The following PHLPP1 variants were observed in gnomAD, a reference collection of about 807,000 sequenced individuals.
PHLPP1 encodes the protein PH domain leucine-rich repeat-containing protein phosphatase 1.
PHLPP1 carries 42 observed loss-of-function variants against 117.2 expected under a neutral mutation model. The ratio of observed to expected loss-of-function variants is 0.36; its 90% CI spans 0.28 to 0.46. The LOEUF is 0.46. Ranked by LOEUF, PHLPP1 falls within the 20% of genes least tolerant of loss-of-function variation. The pLI is 1.00. For missense variants in PHLPP1, 2,084 were observed against 2,241.9 expected (o/e 0.93, Z 1.42); for synonymous variants, 1,042 against 970.7 (o/e 1.07, Z -1.37).
At chr18:62,759,486 A>G (rs1176472287) in intron 1 of PHLPP1, among the ~76,000 whole-genome samples, 1 of 152,214 alleles carries the variant, frequency 6.6e-6, no homozygotes, top group Non-Finnish European at 1.5e-5. Flanking sequence ...AGAGTTAGCT[A>G]TATTGAGTAT....
intron 1 of PHLPP1, among the ~76,000 whole-genome samples, chr18:62,717,723 C>T (rs987282866): frequency 6.6e-6 from 1 of 152,142 alleles, no homozygotes; most frequent in Non-Finnish European, 1.5e-5. Context: ...GTATGTGCCA[C>T]CGGGAGCTCC....
In PHLPP1 at chr18:62,849,837, A is replaced by ATATATATC. The variant is rs1038099923; in HGVS notation, c.1900-10593_1900-10592insATCTATAT. Among the ~76,000 whole-genome samples the ATATATATC allele has an allele frequency of 5.5e-5, 6 of 108,180 alleles. 1 individual carries two copies. Among genetic ancestry groups the ATATATATC allele is most frequent in the Non-Finnish European group, 9.3e-5 (5 of 53,554 alleles). 71.0% of individuals were successfully genotyped at this position (108,180 alleles called of 152,430 possible). A position where few individuals can be genotyped will look rare whatever the true frequency, so the allele number is the denominator to read the frequency against. On this transcript the variant is annotated intron_variant, in intron 3 of 16. Transcript: ENST00000262719. ...AAAAAAAAAAAAAAAAAAAAAATAT[A>ATATATATC]TATATCCTTTAAAGTTTAGTTCCCA...
At chr18:62,873,792 A>G (rs1340456085) in intron 4 of PHLPP1, among the ~76,000 whole-genome samples, 10 of 152,206 alleles carry the variant, frequency 6.6e-5, no homozygotes, top group Non-Finnish European at 1.5e-5. Context: ...TTCTTAGGGC[A>G]TGTTTCTGGT....
intron 4 of PHLPP1, among the ~76,000 whole-genome samples, chr18:62,887,749 CT>C (rs1164607498): frequency 6.6e-6 from 1 of 151,868 alleles, no homozygotes; most frequent in Non-Finnish European, 1.5e-5. Context: ...TTTATTTTTT[CT>C]TTTTTTAGGT....
rs143000519 is a variant in PHLPP1 at position 62,945,387 on chromosome 18, C to T, written c.3324+116C>T. The T allele has an allele frequency of 4.3e-3, 3,427 of 795,674 alleles. 4 individuals are homozygous for T. The highest frequency in any genetic ancestry group is 5.6e-3 in the Non-Finnish European group (2,916 of 523,344). 49.3% of individuals were successfully genotyped at this position (795,674 alleles called of 1,614,324 possible). A position where few individuals can be genotyped will look rare whatever the true frequency, so the allele number is the denominator to read the frequency against. The stretch of plus-strand genomic sequence containing the variant: ...TTGGATTTATTCAGAATGAAGGCCC[C>T]CATTAGCCCTTACTTCCTCCTTCCT... On this transcript the variant is annotated intron_variant, in intron 12 of 16. Coordinates refer to ENST00000262719, the MANE Select transcript of PHLPP1 (RefSeq NM_194449.4).
At chr18:62,855,184 AT>A (rs1209332231) in intron 3 of PHLPP1, among the ~76,000 whole-genome samples, 4 of 152,236 alleles carry the variant, frequency 2.6e-5, no homozygotes, top group African/African-American at 9.6e-5. Context: ...GTTAACTATT[AT>A]TATTGTTACT....
At position 62,864,858 on chromosome 18, in the gene PHLPP1, A is replaced by C. The variant is rs554550506; in HGVS notation, c.2066+4257A>C. Among the ~76,000 whole-genome samples, 9 of 152,352 alleles carry C rather than the reference A, an allele frequency of 5.9e-5. No homozygotes were observed. The South Asian group carries it at 1.9e-3, about 32-fold the overall frequency. On this transcript the variant is annotated intron_variant, in intron 4 of 16. Coordinates refer to ENST00000262719, the MANE Select transcript of PHLPP1 (RefSeq NM_194449.4). ...AATAAGTAGGATTAGTCTAAATTGC[A>C]GGAAAAAACCTCAAAAACAACTGAT...
At chr18:62,729,118 T>A (rs1911159934) in intron 1 of PHLPP1, among the ~76,000 whole-genome samples, 1 of 152,126 alleles carries the variant, frequency 6.6e-6, no homozygotes, top group South Asian at 2.1e-4. Context: ...AGGAACACAT[T>A]CCAAATATAG....
At chr18:62,904,199 T>A (rs1453780327) in intron 7 of PHLPP1, among the ~76,000 whole-genome samples, 1 of 152,182 alleles carries the variant, frequency 6.6e-6, no homozygotes, top group Non-Finnish European at 1.5e-5. Flanking sequence ...CCAGTGGGAA[T>A]GAAGTAGGAA....
At position 62,830,136 on chromosome 18, in the gene PHLPP1, C is replaced by T. The variant is rs1029370896; in HGVS notation, c.1678C>T (p.Arg560Cys). 6.2e-6 allele frequency: 10 copies of T among 1,610,026 alleles called. No individual in the cohort carries two copies. Among genetic ancestry groups the T allele is most frequent in the South Asian group, 1.1e-5 (1 of 90,140 alleles). ...MQLPVNRWTR[R>C]QVILCGTCLI... The stretch of plus-strand genomic sequence containing the variant: ...GTTGCCAGTGAACCGATGGACAAGA[C>T]GCCAAGTCATCCTATGTGGGACCTG... The change falls in exon 2 of 17, where the codon CGC (arginine) becomes TGC (cysteine). Residue 560 changes from arginine (R) to cysteine (C), a missense_variant. Coordinates refer to ENST00000262719, the MANE Select transcript of PHLPP1 (RefSeq NM_194449.4).
rs1915317171 is a variant in PHLPP1 at position 62,850,455 on chromosome 18, T to C, written c.1900-9980T>C. Among the ~76,000 whole-genome samples, 7 of 152,238 alleles carry C rather than the reference T, an allele frequency of 4.6e-5. No individual in the cohort carries two copies. In the South Asian group the frequency reaches 1.2e-3, roughly 27 times the overall value. On this transcript the variant is annotated intron_variant, in intron 3 of 16. Coordinates refer to ENST00000262719, the MANE Select transcript of PHLPP1 (RefSeq NM_194449.4). ...AACCACTTGAATAGTATTTGTATTA[T>C]GTATTTTAATAGAAAGCTAGAGTGT... is the stretch of plus-strand genomic sequence containing the variant.
At chr18:62,798,686 T>C (rs1448676493) in intron 1 of PHLPP1, among the ~76,000 whole-genome samples, 4 of 152,154 alleles carry the variant, frequency 2.6e-5, no homozygotes, top group Admixed American at 2.6e-4. Flanking sequence ...TGTTTTTTAT[T>C]GCTCATTTGC....
intron 4 of PHLPP1, among the ~76,000 whole-genome samples, chr18:62,886,929 T>C (rs1193687143): frequency 6.6e-6 from 1 of 152,240 alleles, no homozygotes; most frequent in Non-Finnish European, 1.5e-5. Context: ...CTTTAAAACA[T>C]ACTGCTTGTC....
chr18:62,914,977 G>A lies in PHLPP1; in HGVS notation c.2773G>A (p.Gly925Ser). 1 of 1,613,538 alleles carries A rather than the reference G, an allele frequency of 6.2e-7. No homozygotes were observed. The highest frequency in any genetic ancestry group is 8.5e-7 in the Non-Finnish European group (1 of 1,179,598). The change falls in exon 9 of 17, where the codon GGC (glycine) becomes AGC (serine). Residue 925 changes from glycine (G) to serine (S), a missense_variant. Transcript: ENST00000262719. Reference sequence around the variant, plus strand: ...CCGAAAGCTAGAAGTTTTGGATATTGGCCATAATCAAATATGTGAACTTCC... The same window carrying A: ...CCGAAAGCTAGAAGTTTTGGATATTAGCCATAATCAAATATGTGAACTTCC... ...ESRKLEVLDI[G>S]HNQICELPAR...
Position 62,716,020 on chromosome 18 carries a change from G to C in PHLPP1, c.337G>C (p.Gly113Arg). Residue 113 changes from glycine (G) to arginine (R), a missense_variant, in exon 1 of 17, where the codon GGC (glycine) becomes CGC (arginine). By Grantham distance (125) the Gly-to-Arg change is moderately radical. Transcript: ENST00000262719. The surrounding 1 kb of genome is among the most constrained non-coding windows in gnomAD (Gnocchi z 5.7). ...CGGGGCTGCCCCCGTACCCGGGGCC[G>C]GCGGCGGCGCCAACTCCCTCCTGCT... ...AGGAAPVPGA[G>R]GGANSLLLRR... 5.0e-6 allele frequency: 7 copies of C among 1,387,676 alleles called. No individual in the cohort carries two copies. The highest frequency in any genetic ancestry group is 6.5e-6 in the Non-Finnish European group (7 of 1,079,520). 86.0% of individuals were successfully genotyped at this position (1,387,676 alleles called of 1,614,324 possible).
intron 1 of PHLPP1, among the ~76,000 whole-genome samples, chr18:62,740,814 A>T (rs1017972499): frequency 6.6e-6 from 1 of 152,156 alleles, no homozygotes; most frequent in African/African-American, 2.4e-5. Flanking sequence ...CGTACTAAAA[A>T]TACAAAAACT....
At chr18:62,863,300 A>G (rs1399358475) in intron 4 of PHLPP1, among the ~76,000 whole-genome samples, 1 of 151,960 alleles carries the variant, frequency 6.6e-6, no homozygotes, top group Non-Finnish European at 1.5e-5. Context: ...TCCCGTGCTC[A>G]AGTGATCCTC....
At chr18:62,728,387 G>A (rs1240593430) in intron 1 of PHLPP1, among the ~76,000 whole-genome samples, 1 of 152,052 alleles carries the variant, frequency 6.6e-6, no homozygotes, top group Non-Finnish European at 1.5e-5. Context: ...TTTTGCATTA[G>A]GCAGCAGTCT....
chr18:62,806,248 A>G (rs1197113059), intron 1 of PHLPP1, among the ~76,000 whole-genome samples: 1 of 152,250 alleles, frequency 6.6e-6, no homozygotes, highest in African/African-American at 2.4e-5. Context: ...TCTGTCATAA[A>G]AAACAGCAAT....
Sources: gnomAD v4.1 joint callset for allele counts (sites outside exome capture counted in the v4.1 genomes callset) on GRCh38, gnomAD v4.1.1 for gene constraint, Gnocchi (gnomAD v3.1) non-coding constraint, MANE v1.5 for transcripts, NCBI Gene and HGNC (gene_info 2026-07-23, HGNC 2026-07-21) for gene names.